CFAP77: variants seen among roughly 807,000 people sequenced by gnomAD.
CFAP77 encodes cilia- and flagella-associated protein 77.
A neutral mutation model predicts 31.1 loss-of-function variants in CFAP77; 25 were observed. That is an observed-to-expected ratio of 0.80 (90% CI 0.59 to 1.12). The LOEUF is 1.12. CFAP77 is among the 50% of genes most tolerant of loss of function. The pLI is 0.00. For synonymous variants in CFAP77, 151 were observed against 159.9 expected (o/e 0.94, Z 0.42); for missense variants, 377 against 397.3 (o/e 0.95, Z 0.44).
At position 132,482,362 on chromosome 9, in the gene CFAP77, C is replaced by T. The variant is rs758203447; in HGVS notation, c.196-16333C>T. 2.5e-5 allele frequency: 41 copies of T among 1,614,006 alleles called. No individual in the cohort carries two copies. In the Middle Eastern group the frequency reaches 1.5e-3, roughly 58 times the overall value. On this transcript the variant is annotated intron_variant, in intron 1 of 5. Coordinates refer to ENST00000393216, the MANE Select transcript of CFAP77 (RefSeq NM_001282957.2). ...TCTTATTCTGTTTATGACTCCTCAG[C>T]GGTGCAGAAAGTTATTCCTTCCCTT... is the stretch of plus-strand genomic sequence containing the variant.
At chr9:132,441,418 A>C (rs984806200) in intron 1 of CFAP77, among the ~76,000 whole-genome samples, 2 of 152,202 alleles carry the variant, frequency 1.3e-5, no homozygotes, top group African/African-American at 4.8e-5. Flanking sequence ...TTGAAAGTAC[A>C]AGATGACCTA....
intron 1 of CFAP77, among the ~76,000 whole-genome samples, chr9:132,441,803 C>T (rs1850619499): frequency 6.6e-6 from 1 of 152,228 alleles, no homozygotes; most frequent in African/African-American, 2.4e-5. Context: ...CGCCTGAGCT[C>T]CTGTTCCTCC....
At chr9:132,541,658 G>A (rs375600179) in intron 4 of CFAP77, among the ~76,000 whole-genome samples, 59 of 152,180 alleles carry the variant, frequency 3.9e-4, no homozygotes, top group African/African-American at 1.4e-3. Flanking sequence ...CGGGAGCCTA[G>A]ATCACAGCAC....
At chr9:132,533,118 G>A (rs941324659) in intron 3 of CFAP77, among the ~76,000 whole-genome samples, 8 of 152,208 alleles carry the variant, frequency 5.3e-5, no homozygotes, top group African/African-American at 1.9e-4. Flanking sequence ...TGGATGCAGC[G>A]CCTCTAGGCG....
chr9:132,447,482 G>T (rs1262336174), intron 1 of CFAP77, among the ~76,000 whole-genome samples: 1 of 152,218 alleles, frequency 6.6e-6, no homozygotes, highest in Admixed American at 6.5e-5. Flanking sequence ...GCTGCCTGGG[G>T]TCTTGTCTTC....
chr9:132,428,709 C>T (rs539624853), intron 1 of CFAP77, among the ~76,000 whole-genome samples: 4 of 152,222 alleles, frequency 2.6e-5, no homozygotes, highest in Admixed American at 1.3e-4. Flanking sequence ...GCTGGGGAGG[C>T]GCAGAGGTAG....
intron 5 of CFAP77, among the ~76,000 whole-genome samples, chr9:132,560,231 C>T (rs560149596): frequency 6.6e-6 from 1 of 152,314 alleles, no homozygotes; most frequent in African/African-American, 2.4e-5. Flanking sequence ...GATGAGTGAT[C>T]ATCGCCTAGA....
intron 3 of CFAP77, among the ~76,000 whole-genome samples, chr9:132,506,651 G>T (rs767122399): frequency 4.6e-5 from 7 of 152,092 alleles, no homozygotes. Context: ...AAGGTGGGAA[G>T]ACCCTACTTT....
chr9:132,455,304 C>T lies in CFAP77; in HGVS notation c.196-43391C>T, dbSNP rs903874313. On this transcript the variant is annotated intron_variant, in intron 1 of 5. Transcript: ENST00000393216. This position sits in a 1 kb window ranked among gnomAD's most constrained non-coding sequence, Gnocchi z 4.1. Reference sequence around the variant, plus strand: ...GGTGGATCACCTGAGGTCAGGAGTTCGAGATCAGCCTGGCCAACATGGCGA... The same window carrying T: ...GGTGGATCACCTGAGGTCAGGAGTTTGAGATCAGCCTGGCCAACATGGCGA... Among the ~76,000 whole-genome samples, 1 of 152,064 alleles carries T rather than the reference C, an allele frequency of 6.6e-6. No homozygotes were observed. The highest frequency in any genetic ancestry group is 1.5e-5 in the Non-Finnish European group (1 of 68,002).
intron 1 of CFAP77, among the ~76,000 whole-genome samples, chr9:132,432,870 C>T (rs908470326): frequency 3.4e-5 from 5 of 147,668 alleles, no homozygotes; most frequent in Non-Finnish European, 7.5e-5. Flanking sequence ...CCCGCCACCA[C>T]GCCCAGCTAA....
intron 1 of CFAP77, among the ~76,000 whole-genome samples, chr9:132,416,969 G>A (rs533387011): frequency 1.3e-5 from 2 of 151,934 alleles, no homozygotes; most frequent in Non-Finnish European, 2.9e-5. Context: ...TAATGCCAGC[G>A]TTTGTTGGTC....
chr9:132,549,841 AAAAC>A (rs3028240), intron 5 of CFAP77, among the ~76,000 whole-genome samples: 15 of 150,966 alleles, frequency 9.9e-5, no homozygotes, highest in South Asian at 6.3e-4. Context: ...TCTGTCTGAA[AAAAC>A]AAACAAACAA....
intron 5 of CFAP77, among the ~76,000 whole-genome samples, chr9:132,556,008 C>T (rs1332491079): frequency 2.0e-5 from 3 of 152,006 alleles, no homozygotes; most frequent in Non-Finnish European, 2.9e-5. Context: ...ATAGATGATC[C>T]GTGTGCTTGG....
intron 5 of CFAP77, among the ~76,000 whole-genome samples, chr9:132,562,239 C>T (rs1829823680): frequency 6.6e-6 from 1 of 152,212 alleles, no homozygotes; most frequent in Non-Finnish European, 1.5e-5. Flanking sequence ...TCACCTCCCA[C>T]AAATGCAGTT....
chr9:132,420,682 A>G (rs1589839680), intron 1 of CFAP77, among the ~76,000 whole-genome samples: 1 of 150,096 alleles, frequency 6.7e-6, no homozygotes, highest in East Asian at 2.0e-4. Flanking sequence ...AAAAAAAAAG[A>G]AGAACAGAAC....
chr9:132,569,235 C>A (rs960240707), intron 5 of CFAP77, among the ~76,000 whole-genome samples: 2 of 152,066 alleles, frequency 1.3e-5, no homozygotes, highest in African/African-American at 2.4e-5. Context: ...ACCCTCCCCC[C>A]ATCTCTACAA....
chr9:132,559,346 C>CAAAAAAAAAAGGAAAAAAA (rs1852958373), intron 5 of CFAP77, among the ~76,000 whole-genome samples: 1 of 56,082 alleles, frequency 1.8e-5, no homozygotes, highest in Non-Finnish European at 3.2e-5. Flanking sequence ...CTCTGTCTTG[C>CAAAAAAAAAAGGAAAAAAA]AAAAAAAAAA....
rs1851780166 is a variant in CFAP77 at position 132,498,410 on chromosome 9, C to T, written c.196-285C>T. ...ACAGCGGCTCAGCTCGGGGACTGTG[C>T]TCCCCACTCCAACAATACACATGTA... On this transcript the variant is annotated intron_variant, in intron 1 of 5. Transcript: ENST00000393216. This position sits in a 1 kb window ranked among gnomAD's most constrained non-coding sequence, Gnocchi z 4.2. Among the ~76,000 whole-genome samples the T allele has an allele frequency of 6.6e-6, 1 of 152,170 alleles. No individual in the cohort carries two copies. Among genetic ancestry groups the T allele is most frequent in the Admixed American group, 6.5e-5 (1 of 15,288 alleles).
rs1852174017 is a variant in CFAP77 at position 132,517,799 on chromosome 9, T to C, written c.524+18199T>C. ...GTGTCAGCCTAATGTTTGCAAATGA[T>C]AATTTCCATTTCCCCTGCACATCCC... On this transcript the variant is annotated intron_variant, in intron 3 of 5. Coordinates refer to ENST00000393216, the MANE Select transcript of CFAP77 (RefSeq NM_001282957.2). The surrounding 1 kb of genome is among the most constrained non-coding windows in gnomAD (Gnocchi z 4.7). 6.6e-6 allele frequency among the ~76,000 whole-genome samples: 1 copy of C among 152,232 alleles called. No individual in the cohort carries two copies. Among genetic ancestry groups the C allele is most frequent in the Non-Finnish European group, 1.5e-5 (1 of 68,038 alleles).
Sources: gnomAD v4.1 joint callset for allele counts (sites outside exome capture counted in the v4.1 genomes callset) on GRCh38, gnomAD v4.1.1 for gene constraint, Gnocchi (gnomAD v3.1) non-coding constraint, MANE v1.5 for transcripts, NCBI Gene and HGNC (gene_info 2026-07-23, HGNC 2026-07-21) for gene names.